The following TRANK1 variants were observed in gnomAD, a reference collection of about 807,000 sequenced individuals.
The protein encoded by TRANK1 is TPR and ankyrin repeat-containing protein 1.
TRANK1 carries 198 observed loss-of-function variants against 266.0 expected under a neutral mutation model. The ratio of observed to expected loss-of-function variants is 0.74; its 90% CI spans 0.66 to 0.84. TRANK1 has a LOEUF of 0.84. Among genes scored for constraint, TRANK1 ranks in the 40% least tolerant of loss-of-function variants. The pLI, the probability that TRANK1 is intolerant of heterozygous loss-of-function variation, is 0.00. For synonymous variants in TRANK1, 1,396 were observed against 1,384.1 expected, an observed-to-expected ratio of 1.01 and a Z score of -0.19; for missense variants, 3,326 against 3,634.6, an observed-to-expected ratio of 0.92 and a Z score of 2.18.
At chr3:36,908,212 C>T in intron 2 of TRANK1, 111 bp downstream of exon 2, 1 of 1,156,046 alleles carries the variant, frequency 8.7e-7, no homozygotes, top group Non-Finnish European at 1.1e-6. Context: ...AGGAAGTGAG[C>T]AATAAAGAAA....
intron 5 of TRANK1, among the ~76,000 whole-genome samples, chr3:36,893,397 G>T (rs1280615886): frequency 6.6e-6 from 1 of 152,006 alleles, no homozygotes; most frequent in Admixed American, 6.6e-5. Flanking sequence ...CGTTTTAAAA[G>T]CCCCAAGTAC....
chr3:36,887,221 G>A (rs1196737044), intron 8 of TRANK1, among the ~76,000 whole-genome samples: 1 of 152,156 alleles, frequency 6.6e-6, no homozygotes, highest in African/African-American at 2.4e-5. Context: ...CTAGGCTAAT[G>A]TTAGCTTTAG....
At chr3:36,837,901 A>G (rs1307939976) in intron 20 of TRANK1, among the ~76,000 whole-genome samples, 1 of 152,172 alleles carries the variant, frequency 6.6e-6, no homozygotes, top group Non-Finnish European at 1.5e-5. Flanking sequence ...ATTATATTTT[A>G]ATTAATTTAA....
Position 36,847,267 on chromosome 3 carries a change from T to G in TRANK1, c.4967A>C (p.Glu1656Ala), listed in dbSNP as rs1368894514. Residue 1656 changes from glutamate (E) to alanine (A), a missense_variant, in exon 16 of 24, where the codon GAA (glutamate) becomes GCA (alanine). Glu to Ala is a moderately radical substitution (Grantham distance 107, BLOSUM62 -1). Transcript: ENST00000645898. ...AGAGCCTGGTTTGTCCAGGGGTACT[T>G]CAACCAATGGCCGGTTTTCCTCTCT... ...DSREENRPLV[E>A]VPLDKPGSSQ... is the part of the protein sequence containing the mutation. The G allele has an allele frequency of 6.2e-7, 1 of 1,613,644 alleles. No homozygotes were observed. The highest frequency in any genetic ancestry group is 1.7e-5 in the Admixed American group (1 of 59,962).
chr3:36,840,920 T>C (rs866906489), intron 18 of TRANK1, among the ~76,000 whole-genome samples: 1 of 152,224 alleles, frequency 6.6e-6, no homozygotes, highest in Non-Finnish European at 1.5e-5. Context: ...TGTTTCAGGA[T>C]TGTTATGCAG....
intron 2 of TRANK1, among the ~76,000 whole-genome samples, chr3:36,904,587 C>A (rs1013301543): frequency 6.6e-6 from 1 of 152,068 alleles, no homozygotes; most frequent in Non-Finnish European, 1.5e-5. Context: ...ACAAAAATCA[C>A]TGTAGATAAT....
At chr3:36,944,258 C>T (rs991847527) in intron 1 of TRANK1, among the ~76,000 whole-genome samples, 3 of 152,348 alleles carry the variant, frequency 2.0e-5, no homozygotes, top group East Asian at 1.9e-4. Context: ...AGCCCAGCAG[C>T]CCTCAATCGG....
chr3:36,904,555 A>G (rs1370508336), intron 2 of TRANK1, among the ~76,000 whole-genome samples: 1 of 152,148 alleles, frequency 6.6e-6, no homozygotes, highest in Non-Finnish European at 1.5e-5. Flanking sequence ...CGTAAAAATA[A>G]TACAAATCAC....
At chr3:36,860,846 G>C (rs1250794912) in intron 11 of TRANK1, 60 bp downstream of exon 11, 8 of 1,522,918 alleles carry the variant, frequency 5.3e-6, no homozygotes, top group Non-Finnish European at 7.0e-6. Context: ...CAGTGGCCTG[G>C]ACTCCATCAC....
In TRANK1 at chr3:36,832,475, C is replaced by A. The variant is rs770012167; in HGVS notation, c.7108G>T (p.Asp2370Tyr). ...CTGCCTCTCCCCCTGCCCCTTTCAT[C>A]CTTTTCAGACTCTAGAGCTTTGAGT... The part of the protein sequence containing the change: ...RELKALESEK[D>Y]ERGRGRGSRI... Residue 2370 changes from aspartate (D) to tyrosine (Y), a missense_variant, in exon 22 of 24, where the codon GAT becomes TAT. By Grantham distance (160) the Asp-to-Tyr change is radical (BLOSUM62 -3). Coordinates refer to ENST00000645898, the MANE Select transcript of TRANK1 (RefSeq NM_001329998.2). 6.2e-7 allele frequency: 1 copy of A among 1,613,954 alleles called. No homozygotes were observed. Among genetic ancestry groups the A allele is most frequent in the South Asian group, 1.1e-5 (1 of 91,076 alleles).
At position 36,892,886 on chromosome 3, in the gene TRANK1, T is replaced by C; in HGVS notation, c.636+15A>G. On this transcript the variant is annotated intron_variant, in intron 6 of 23. Transcript: ENST00000645898. ...ATATATATATAGATATATATAGATA[T>C]ATATATCACCTTACCTCAAAGAGAC... 6 of 1,142,878 alleles carry C rather than the reference T, an allele frequency of 5.2e-6. No individual in the cohort carries two copies. Among genetic ancestry groups the C allele is most frequent in the Non-Finnish European group, 5.8e-6 (5 of 859,886 alleles). The allele number at this position is 1,142,878 out of a possible 1,614,324, so 70.8% of individuals were successfully genotyped here.
At chr3:36,906,394 A>G (rs2079968686) in intron 2 of TRANK1, among the ~76,000 whole-genome samples, 1 of 152,204 alleles carries the variant, frequency 6.6e-6, no homozygotes, top group Non-Finnish European at 1.5e-5. Context: ...GGGGACCCTC[A>G]AGGCCACTGC....
chr3:36,866,109 AAAG>A, intron 9 of TRANK1, among the ~76,000 whole-genome samples: 2 of 151,508 alleles, frequency 1.3e-5, no homozygotes, highest in South Asian at 4.1e-4. Context: ...AGAAAGAAAG[AAAG>A]AAAGAGTCAC....
chr3:36,912,603 G>A (rs1484271166), intron 1 of TRANK1, among the ~76,000 whole-genome samples: 1 of 152,192 alleles, frequency 6.6e-6, no homozygotes, highest in Non-Finnish European at 1.5e-5. Context: ...TACATATGAG[G>A]AAGAAGATGC....
At position 36,828,437 on chromosome 3, in the gene TRANK1, A is replaced by AGAAGGAAG. The variant is rs10590354; in HGVS notation, c.8810-70_8810-63dup. On this transcript the variant is annotated intron_variant, in intron 23 of 23. Coordinates refer to ENST00000645898, the MANE Select transcript of TRANK1 (RefSeq NM_001329998.2). ...AGAAGGGAGGGAGGGAGGGAAGGAA[A>AGAAGGAAG]GAAGGAAGGAAGGAAGGAAGGAAAG... 1.4e-4 allele frequency: 120 copies of AGAAGGAAG among 833,150 alleles called. 1 individual carries two copies. The South Asian group carries it at 1.7e-3, about 12-fold the overall frequency. 51.6% of individuals were successfully genotyped at this position (833,150 alleles called of 1,614,324 possible).
intron 1 of TRANK1, among the ~76,000 whole-genome samples, chr3:36,911,552 G>A (rs11709254): frequency 0.12 from 18,340 of 152,140 alleles, 1,869 homozygotes; most frequent in East Asian, 0.56. Context: ...AACAACAAAT[G>A]TATTCACCCA....
intron 1 of TRANK1, among the ~76,000 whole-genome samples, chr3:36,917,159 C>T (rs536255367): frequency 6.6e-6 from 1 of 152,084 alleles, no homozygotes; most frequent in Non-Finnish European, 1.5e-5. Context: ...AATACATACA[C>T]TCACACCCAC....
intron 15 of TRANK1, chr3:36,850,894 T>C: frequency 1.0e-6 from 1 of 985,472 alleles, no homozygotes; most frequent in Non-Finnish European, 1.2e-6. Flanking sequence ...GCATGCATCA[T>C]GTGCAAAGGA....
Position 36,858,807 on chromosome 3 carries a change from A to T in TRANK1, c.1583T>A (p.Leu528Ter). 6.5e-7 allele frequency: 1 copy of T among 1,537,234 alleles called. No individual in the cohort carries two copies. The highest frequency in any genetic ancestry group is 8.7e-7 in the Non-Finnish European group (1 of 1,146,894). The part of the protein sequence containing the change: ...HEDFELAFLL[L>*]TKGADPRAIS... ...AGCACGGGGGTCTGCGCCCTTGGTC[A>T]AGAGAAGGAAAGCCAACTCGAAGTC... Residue 528 changes from leucine (L) to a stop codon, truncating the protein, a stop_gained, in exon 12 of 24, where the codon TTG becomes TAG. Transcript: ENST00000645898. LOFTEE classifies it high-confidence loss of function.
Sources: gnomAD v4.1 joint callset for allele counts (sites outside exome capture counted in the v4.1 genomes callset) on GRCh38, gnomAD v4.1.1 for gene constraint, MANE v1.5 for transcripts, NCBI Gene and HGNC (gene_info 2026-07-23, HGNC 2026-07-21) for gene names.